MAPRE2: variants seen among roughly 807,000 people sequenced by gnomAD.
MAPRE2 encodes the protein microtubule-associated protein RP/EB family member 2.
MAPRE2 carries 13 observed loss-of-function variants against 43.2 expected under a neutral mutation model. The ratio of observed to expected loss-of-function variants is 0.30; its 90% confidence interval spans 0.20 to 0.48. The LOEUF (loss-of-function observed/expected upper bound fraction) is 0.48, where lower values mean the gene tolerates loss of function less well. Ranked by LOEUF, MAPRE2 falls within the 20% of genes least tolerant of loss-of-function variation. The pLI is 0.99. For missense variants in MAPRE2, 161 were observed against 400.2 expected (o/e 0.40, Z 5.10); for synonymous variants, 135 against 148.8 (o/e 0.91, Z 0.68).
intron 1 of MAPRE2, among the ~76,000 whole-genome samples, chr18:35,050,032 A>T (rs1316913407): frequency 6.6e-6 from 1 of 152,222 alleles, no homozygotes; most frequent in Non-Finnish European, 1.5e-5. Flanking sequence ...TCAGTATGCT[A>T]TTACATAAAA....
chr18:35,064,372 G>A (rs956535851), intron 1 of MAPRE2, among the ~76,000 whole-genome samples: 2 of 151,698 alleles, frequency 1.3e-5, no homozygotes, highest in Non-Finnish European at 2.9e-5. Context: ...AGTGATCGGT[G>A]AAGTGTGAAA....
At position 35,140,440 on chromosome 18, in the gene MAPRE2, G is replaced by A. The variant is rs561557507; in HGVS notation, c.*71G>A. ...TCTTCTGGAGAATTGGAACATGTGT[G>A]GCCCCAAGCTCAACAGAAACCAGTT... On this transcript the variant is annotated 3_prime_UTR_variant, in exon 7 of 7. Coordinates refer to ENST00000300249, the MANE Select transcript of MAPRE2 (RefSeq NM_014268.4). The A allele has an allele frequency of 2.9e-5, 41 of 1,417,074 alleles. 2 individuals are homozygous for A. The South Asian group carries it at 4.7e-4, about 16-fold the overall frequency. The allele number at this position is 1,417,074 out of a possible 1,614,324, so 87.8% of individuals were successfully genotyped here. A position where few individuals can be genotyped will look rare whatever the true frequency, so the allele number is the denominator to read the frequency against.
chr18:34,991,853 A>G (rs1255348322), intron 1 of MAPRE2, among the ~76,000 whole-genome samples: 1 of 152,184 alleles, frequency 6.6e-6, no homozygotes, highest in Non-Finnish European at 1.5e-5. Flanking sequence ...TCTGTGCTCT[A>G]TAATATCAAG....
intron 1 of MAPRE2, among the ~76,000 whole-genome samples, chr18:34,989,448 G>A (rs914076356): frequency 3.9e-5 from 6 of 152,184 alleles, no homozygotes; most frequent in African/African-American, 1.4e-4. Flanking sequence ...GGTGGCTCAT[G>A]CCTATAATGC....
At chr18:35,139,864 G>A (rs2144265991) in intron 6 of MAPRE2, among the ~76,000 whole-genome samples, 1 of 152,310 alleles carries the variant, frequency 6.6e-6, no homozygotes, top group South Asian at 2.1e-4. Flanking sequence ...ATCCATTAGT[G>A]AGGAGTGACA....
chr18:35,076,628 T>A (rs573643024), intron 2 of MAPRE2, among the ~76,000 whole-genome samples: 1 of 152,326 alleles, frequency 6.6e-6, no homozygotes, highest in African/African-American at 2.4e-5. Flanking sequence ...GTAAAATGCA[T>A]GTGCTTTAGT....
intron 2 of MAPRE2, among the ~76,000 whole-genome samples, chr18:35,027,552 A>C (rs1258660517): frequency 6.6e-6 from 1 of 152,182 alleles, no homozygotes; most frequent in Non-Finnish European, 1.5e-5. Context: ...AACCATAGCT[A>C]CATGAGAGAC....
upstream of MAPRE2, among the ~76,000 whole-genome samples, chr18:35,038,668 G>A (rs1254478521): frequency 6.6e-6 from 1 of 152,182 alleles, no homozygotes; most frequent in Non-Finnish European, 1.5e-5. Flanking sequence ...TTCCTACATC[G>A]TACCATTCCG....
chr18:35,100,932 G>A (rs1460042396), intron 3 of MAPRE2, among the ~76,000 whole-genome samples: 9 of 152,142 alleles, frequency 5.9e-5, no homozygotes, highest in Admixed American at 5.2e-4. Flanking sequence ...CCAGCTACTC[G>A]GGAGGCTGAA....
intron 2 of MAPRE2, among the ~76,000 whole-genome samples, chr18:35,012,859 T>C (rs8094649): frequency 0.022 from 3,421 of 152,268 alleles, 125 homozygotes; most frequent in African/African-American, 0.077. Context: ...ATATGTAATG[T>C]CACCAAACTG....
chr18:35,066,294 C>G (rs1293946773), intron 1 of MAPRE2, among the ~76,000 whole-genome samples: 2 of 152,156 alleles, frequency 1.3e-5, no homozygotes, highest in Non-Finnish European at 2.9e-5. Flanking sequence ...AGTATGATTC[C>G]TGCCCTGCTT....
chr18:34,993,255 C>CTTTTTTT (rs760356794), intron 1 of MAPRE2, among the ~76,000 whole-genome samples: 1 of 130,072 alleles, frequency 7.7e-6, no homozygotes. Flanking sequence ...CCATTCCCGC[C>CTTTTTTT]TTTTTTTTTT....
upstream of MAPRE2, among the ~76,000 whole-genome samples, chr18:35,040,219 A>T (rs965004051): frequency 1.8e-4 from 27 of 152,260 alleles, no homozygotes; most frequent in East Asian, 3.9e-4. Flanking sequence ...ATAATAATAA[A>T]AAAAAAATCT....
intron 5 of MAPRE2, 101 bp from the exon 6 acceptor site, chr18:35,131,929 TTC>T (rs112001878): frequency 0.016 from 16,866 of 1,022,284 alleles, 26 homozygotes; most frequent in African/African-American, 0.035. Context: ...TTATTTCTGC[TTC>T]TCTCTCTCTC....
intron 2 of MAPRE2, among the ~76,000 whole-genome samples, chr18:35,032,704 T>C (rs1460219601): frequency 6.6e-6 from 1 of 152,162 alleles, no homozygotes; most frequent in Non-Finnish European, 1.5e-5. Flanking sequence ...TTTGTTTATT[T>C]TTGGCTCCCT....
chr18:35,084,861 C>T (rs906490029), intron 2 of MAPRE2, among the ~76,000 whole-genome samples: 12 of 152,182 alleles, frequency 7.9e-5, no homozygotes, highest in South Asian at 4.1e-4. Context: ...CAGTTGAAAC[C>T]GGATTTCTGA....
chr18:35,121,675 C>T (rs1248612796), intron 4 of MAPRE2, among the ~76,000 whole-genome samples: 1 of 152,074 alleles, frequency 6.6e-6, no homozygotes, highest in Non-Finnish European at 1.5e-5. Flanking sequence ...AGTAGGTGCA[C>T]TCTCTGTAAA....
chr18:34,995,333 TTCCTATC>T, intron 1 of MAPRE2, among the ~76,000 whole-genome samples: 1 of 152,314 alleles, frequency 6.6e-6, no homozygotes, highest in Non-Finnish European at 1.5e-5. Context: ...TCCAAGCATC[TTCCTATC>T]TCTCAAGCAC....
intron 2 of MAPRE2, among the ~76,000 whole-genome samples, chr18:35,084,903 C>T (rs1207764534): frequency 6.6e-6 from 1 of 152,082 alleles, no homozygotes; most frequent in Non-Finnish European, 1.5e-5. Context: ...ATTTGTGGCT[C>T]GGGGCAGGTA....
Sources: gnomAD v4.1 joint callset for allele counts (sites outside exome capture counted in the v4.1 genomes callset) on GRCh38, gnomAD v4.1.1 for gene constraint, MANE v1.5 for transcripts, NCBI Gene and HGNC (gene_info 2026-07-23, HGNC 2026-07-21) for gene names.